Variants in SLAMF6 observed in about 807,000 individuals in gnomAD.
SLAMF6 encodes SLAM family member 6, also known as NK-T-B-antigen.
A neutral mutation model predicts 38.3 loss-of-function variants in SLAMF6; 21 were observed. The observed-to-expected ratio is 0.55, with a 90% CI of 0.39 to 0.79. The LOEUF (loss-of-function observed/expected upper bound fraction) is 0.79, where lower values mean the gene tolerates loss of function less well. Ranked by LOEUF, SLAMF6 falls within the 30% of genes least tolerant of loss-of-function variation. The pLI is 0.00. For missense variants in SLAMF6, 341 were observed against 385.3 expected (o/e 0.89, Z 0.96); for synonymous variants, 152 against 146.3 (o/e 1.04, Z -0.28).
At chr1:160,489,293 T>C in intron 5 of SLAMF6, 123 bp from the exon 6 acceptor site, 1 of 861,754 alleles carries the variant, frequency 1.2e-6, no homozygotes, top group Non-Finnish European at 1.9e-6. Flanking sequence ...TCTCCTTTCC[T>C]GAGGGATCAT....
rs1248470325 is a variant in SLAMF6 at position 160,490,986 on chromosome 1, A to G, written c.646+139T>C. The G allele has an allele frequency of 2.7e-6, 3 of 1,092,204 alleles. No individual in the cohort carries two copies. In the East Asian group the frequency reaches 7.1e-5, roughly 26 times the overall value. 67.7% of individuals were successfully genotyped at this position (1,092,204 alleles called of 1,614,324 possible). A position where few individuals can be genotyped will look rare whatever the true frequency, so the allele number is the denominator to read the frequency against. The stretch of plus-strand genomic sequence containing the variant: ...CCTCTGGGAGTACTGAGAGATGCAG[A>G]GCTCCAGAGGGCATCTGTCCCCTCC... On this transcript the variant is annotated intron_variant, in intron 3 of 7. Coordinates refer to ENST00000368057, the MANE Select transcript of SLAMF6 (RefSeq NM_001184714.2).
At position 160,489,117 on chromosome 1, in the gene SLAMF6, C is replaced by T. The variant is rs561510433; in HGVS notation, c.850G>A (p.Val284Met). Residue 284 changes from valine to methionine, a missense_variant, in exon 6 of 8, where the codon GTG becomes ATG. By Grantham distance (21) the Val-to-Met change is conservative. Transcript: ENST00000368057. ...YVSVSPTNNT[V>M]YASVTHSNRE... ...TTTGAATGAGTGACTGAAGCATACACAGTGTTGTTCGTTGGAGACACTGAA... is the reference window on the plus strand; with the variant it reads ...TTTGAATGAGTGACTGAAGCATACATAGTGTTGTTCGTTGGAGACACTGAA... 8.7e-6 allele frequency: 14 copies of T among 1,613,914 alleles called. No homozygotes were observed. In the South Asian group the frequency reaches 1.4e-4, roughly 16 times the overall value.
chr1:160,505,033 T>G (rs1654110700), intron 1 of SLAMF6, among the ~76,000 whole-genome samples: 1 of 152,236 alleles, frequency 6.6e-6, no homozygotes, highest in African/African-American at 2.4e-5. Context: ...CAGAATTTAT[T>G]TATTTATTTG....
intron 6 of SLAMF6, among the ~76,000 whole-genome samples, chr1:160,488,221 T>C (rs916571536): frequency 6.6e-6 from 1 of 152,204 alleles, no homozygotes; most frequent in Non-Finnish European, 1.5e-5. Flanking sequence ...AATTAGTTTT[T>C]TGATTTGTCA....
chr1:160,496,068 C>T lies in SLAMF6; in HGVS notation c.375G>A (p.Arg125=), dbSNP rs377590098. ...CCCCATATTTTGACTTACTTAATAT[C>T]CTCAGAGTGTAACTGGACAGCTTTG... The part of the protein sequence containing the change: ...TSAKLSSYTL[R]ILRQLRNIQV... The change falls in exon 2 of 8, where the codon AGG becomes AGA. Residue 125 remains arginine, a synonymous_variant. Coordinates refer to ENST00000368057, the MANE Select transcript of SLAMF6 (RefSeq NM_001184714.2). The T allele has an allele frequency of 2.7e-5, 44 of 1,611,050 alleles. No individual in the cohort carries two copies. Among genetic ancestry groups the T allele is most frequent in the South Asian group, 1.2e-4 (11 of 90,860 alleles).
intron 1 of SLAMF6, among the ~76,000 whole-genome samples, chr1:160,519,978 C>T (rs1398099387): frequency 6.6e-6 from 1 of 152,058 alleles, no homozygotes; most frequent in Non-Finnish European, 1.5e-5. Context: ...GAGAAACAAT[C>T]AAAGCTGAAT....
intron 1 of SLAMF6, among the ~76,000 whole-genome samples, chr1:160,505,047 G>A (rs1654111577): frequency 6.6e-6 from 1 of 152,156 alleles, no homozygotes; most frequent in Non-Finnish European, 1.5e-5. Context: ...TTATTTGTTT[G>A]TTTATTCCTT....
intron 2 of SLAMF6, among the ~76,000 whole-genome samples, chr1:160,495,193 C>T (rs930218125): frequency 2.0e-5 from 3 of 152,194 alleles, no homozygotes; most frequent in Non-Finnish European, 2.9e-5. Context: ...TTAGACACTA[C>T]AGGCCCTCAA....
intron 1 of SLAMF6, among the ~76,000 whole-genome samples, chr1:160,518,002 G>A (rs1023551010): frequency 6.6e-6 from 1 of 151,748 alleles, no homozygotes; most frequent in Admixed American, 6.6e-5. Context: ...CATGTACCCA[G>A]AACTAAAAAT....
chr1:160,521,151 C>A (rs2102074489), intron 1 of SLAMF6, among the ~76,000 whole-genome samples: 1 of 152,232 alleles, frequency 6.6e-6, no homozygotes, highest in Non-Finnish European at 1.5e-5. Flanking sequence ...AGTGAAGTGG[C>A]TATGAGCACA....
Position 160,486,368 on chromosome 1 carries a change from A to C in SLAMF6, c.*339T>G, listed in dbSNP as rs1003290312. The C allele has an allele frequency of 3.9e-6, 1 of 258,746 alleles. No individual in the cohort carries two copies. 16.0% of individuals were successfully genotyped at this position (258,746 alleles called of 1,614,324 possible). A position where few individuals can be genotyped will look rare whatever the true frequency, so the allele number is the denominator to read the frequency against. ...TCCTGCTGCTTTCTAAAAGGAGAGA[A>C]GTGGTTGTCTTCTGGATCATAAACT... is the stretch of plus-strand genomic sequence containing the variant. On this transcript the variant is annotated 3_prime_UTR_variant, in exon 8 of 8. Coordinates refer to ENST00000368057, the MANE Select transcript of SLAMF6 (RefSeq NM_001184714.2).
Position 160,490,560 on chromosome 1 carries a change from A to G in SLAMF6, c.757+15T>C, listed in dbSNP as rs1414393160. 6.2e-7 allele frequency: 1 copy of G among 1,609,712 alleles called. No homozygotes were observed. The highest frequency in any genetic ancestry group is 2.2e-5 in the East Asian group (1 of 44,812). On this transcript the variant is annotated intron_variant, in intron 4 of 7. Transcript: ENST00000368057. ...AACCTTGGAGAAGAGACAAGTAGGA[A>G]GAAAGGAAACCTGCCTCTTCTTTTC...
At chr1:160,520,258 T>C (rs1654924719) in intron 1 of SLAMF6, among the ~76,000 whole-genome samples, 1 of 152,172 alleles carries the variant, frequency 6.6e-6, no homozygotes, top group Non-Finnish European at 1.5e-5. Context: ...GTGTTTGCTT[T>C]ACTTACATTT....
chr1:160,499,842 A>T (rs1339670786), intron 1 of SLAMF6, among the ~76,000 whole-genome samples: 8 of 152,232 alleles, frequency 5.3e-5, no homozygotes, highest in African/African-American at 1.9e-4. Context: ...TTCCAGGCAC[A>T]TGAACATTGC....
intron 1 of SLAMF6, among the ~76,000 whole-genome samples, chr1:160,507,819 A>G (rs1434206116): frequency 6.6e-6 from 1 of 152,156 alleles, no homozygotes; most frequent in African/African-American, 2.4e-5. Context: ...AAGATGAATT[A>G]GGATATATCT....
intron 4 of SLAMF6, 80 bp downstream of exon 4, chr1:160,490,495 G>T: frequency 6.4e-7 from 1 of 1,554,760 alleles, no homozygotes; most frequent in South Asian, 1.2e-5. Context: ...TTCCACAAGA[G>T]ATCCTTGGGA....
At chr1:160,521,040 T>TC (rs1258151855) in intron 1 of SLAMF6, among the ~76,000 whole-genome samples, 1 of 152,196 alleles carries the variant, frequency 6.6e-6, no homozygotes, top group African/African-American at 2.4e-5. Context: ...CCCGTGTTTT[T>TC]CTCTATGAAG....
intron 1 of SLAMF6, among the ~76,000 whole-genome samples, chr1:160,501,088 ATTTG>A (rs767595474): frequency 2.6e-5 from 4 of 152,184 alleles, no homozygotes; most frequent in Non-Finnish European, 4.4e-5. Flanking sequence ...AAATTTATTT[ATTTG>A]TTTGTTTGTT....
chr1:160,500,941 A>C (rs895888020), intron 1 of SLAMF6, among the ~76,000 whole-genome samples: 13 of 152,176 alleles, frequency 8.5e-5, no homozygotes, highest in Non-Finnish European at 1.5e-5. Context: ...TGAAATAATT[A>C]GTTTATGTAA....
Sources: allele counts gnomAD v4.1 joint callset (sites outside exome capture counted in the v4.1 genomes callset), GRCh38; gene constraint gnomAD v4.1.1; transcripts MANE v1.5; gene names NCBI Gene and HGNC (gene_info 2026-07-23, HGNC 2026-07-21).